ADAMTS20: variants seen among roughly 807,000 people sequenced by gnomAD.
The protein encoded by ADAMTS20 is ADAM metallopeptidase with thrombospondin type 1 motif 20, also known as A disintegrin and metalloproteinase with thrombospondin motifs 20.
A neutral mutation model predicts 260.1 loss-of-function variants in ADAMTS20; 225 were observed. The observed-to-expected ratio is 0.87, with a 90% CI of 0.78 to 0.97. The LOEUF (loss-of-function observed/expected upper bound fraction) is 0.97, where lower values mean the gene tolerates loss of function less well. ADAMTS20 is among the 50% of genes least tolerant of loss of function. The pLI is 0.00. For synonymous variants in ADAMTS20, 802 were observed against 769.5 expected (o/e 1.04, Z -0.70); for missense variants, 2,400 against 2,337.7 (o/e 1.03, Z -0.55).
At chr12:43,454,243 A>G (rs1941924595) in intron 11 of ADAMTS20, among the ~76,000 whole-genome samples, 191 bp from the exon 12 acceptor site, 1 of 152,226 alleles carries the variant, frequency 6.6e-6, no homozygotes, top group Non-Finnish European at 1.5e-5. Context: ...GGAATAGAAA[A>G]GGAGTGTAAT....
chr12:43,402,936 G>T (rs187450860), intron 28 of ADAMTS20, among the ~76,000 whole-genome samples: 5 of 152,058 alleles, frequency 3.3e-5, no homozygotes, highest in Admixed American at 2.6e-4. Flanking sequence ...TTCAGAAGTA[G>T]TGATACTAAA....
intron 14 of ADAMTS20, among the ~76,000 whole-genome samples, 185 bp downstream of exon 14, chr12:43,452,089 A>G (rs535449189): frequency 6.6e-6 from 1 of 152,162 alleles, no homozygotes; most frequent in Admixed American, 6.6e-5. Context: ...ATTCTTGATG[A>G]CAGAGAATTC....
intron 37 of ADAMTS20, among the ~76,000 whole-genome samples, chr12:43,363,130 A>T (rs1939909904): frequency 6.6e-6 from 1 of 151,818 alleles, no homozygotes; most frequent in Non-Finnish European, 1.5e-5. Context: ...ACCTCCCATG[A>T]CTCGCCCTCT....
At chr12:43,536,840 T>C (rs987444860) in intron 2 of ADAMTS20, among the ~76,000 whole-genome samples, 3 of 152,086 alleles carry the variant, frequency 2.0e-5, no homozygotes, top group Non-Finnish European at 2.9e-5. Flanking sequence ...CACACAAATA[T>C]ATTTACCTAC....
At chr12:43,501,971 C>G (rs1169050497) in intron 4 of ADAMTS20, among the ~76,000 whole-genome samples, 181 bp downstream of exon 4, 1 of 152,044 alleles carries the variant, frequency 6.6e-6, no homozygotes, top group Non-Finnish European at 1.5e-5. Flanking sequence ...GTCCAAGTAA[C>G]AGAATAGGAT....
intron 22 of ADAMTS20, among the ~76,000 whole-genome samples, chr12:43,430,841 G>T (rs1004359332): frequency 4.6e-4 from 70 of 152,128 alleles, no homozygotes; most frequent in Non-Finnish European, 6.6e-4. Flanking sequence ...ATTTTAAAGA[G>T]ACAAAGAAGG....
chr12:43,431,002 G>A (rs565953010), intron 22 of ADAMTS20, among the ~76,000 whole-genome samples: 4 of 152,264 alleles, frequency 2.6e-5, no homozygotes, highest in Non-Finnish European at 4.4e-5. Context: ...ACGTCTAAAC[G>A]ATGCCTATCC....
At chr12:43,543,356 A>T (rs1943401841) in intron 2 of ADAMTS20, among the ~76,000 whole-genome samples, 1 of 152,152 alleles carries the variant, frequency 6.6e-6, no homozygotes, top group Admixed American at 6.5e-5. Context: ...CCCTCCTTCC[A>T]CAGTAGTGAG....
At chr12:43,549,261 T>C (rs551018333) in intron 2 of ADAMTS20, among the ~76,000 whole-genome samples, 2 of 151,848 alleles carry the variant, frequency 1.3e-5, no homozygotes, top group East Asian at 3.9e-4. Flanking sequence ...ATATTAATAT[T>C]AATTTTTAGA....
intron 7 of ADAMTS20, among the ~76,000 whole-genome samples, 188 bp from the exon 8 acceptor site, chr12:43,468,893 A>C (rs1484091760): frequency 6.6e-6 from 1 of 152,210 alleles, no homozygotes; most frequent in Non-Finnish European, 1.5e-5. Context: ...AGTTGAAATC[A>C]TCTTTGCAAA....
At chr12:43,530,689 T>G (rs971916793) in intron 3 of ADAMTS20, among the ~76,000 whole-genome samples, 2 of 152,124 alleles carry the variant, frequency 1.3e-5, no homozygotes, top group East Asian at 3.9e-4. Flanking sequence ...AGGTGCCTTT[T>G]CTCCATCATA....
chr12:43,545,564 C>T (rs1267848283), intron 2 of ADAMTS20, among the ~76,000 whole-genome samples: 1 of 152,166 alleles, frequency 6.6e-6, no homozygotes, highest in Non-Finnish European at 1.5e-5. Flanking sequence ...AGCAAGGGCA[C>T]TTTGAAATCC....
chr12:43,543,717 T>A (rs1189239799), intron 2 of ADAMTS20, among the ~76,000 whole-genome samples: 1 of 152,180 alleles, frequency 6.6e-6, no homozygotes, highest in Non-Finnish European at 1.5e-5. Context: ...TAAAGACTAT[T>A]GGTGATCACC....
At chr12:43,537,653 C>T (rs1274061244) in intron 2 of ADAMTS20, among the ~76,000 whole-genome samples, 2 of 152,084 alleles carry the variant, frequency 1.3e-5, no homozygotes, top group African/African-American at 2.4e-5. Flanking sequence ...CCCCACCTCT[C>T]CCCACCCCAC....
intron 6 of ADAMTS20, among the ~76,000 whole-genome samples, chr12:43,491,501 C>T (rs890160862): frequency 6.6e-6 from 1 of 152,030 alleles, no homozygotes; most frequent in South Asian, 2.1e-4. Context: ...GAGTTTGATG[C>T]CTAAATAAAG....
intron 21 of ADAMTS20, 21 bp from the exon 22 acceptor site, chr12:43,431,517 ATTAT>A (rs1941443670): frequency 4.3e-6 from 7 of 1,613,198 alleles, no homozygotes; most frequent in Non-Finnish European, 5.9e-6. Context: ...AAAACTGATC[ATTAT>A]TTATTTGCAG....
At chr12:43,438,765 A>G (rs538875963) in intron 18 of ADAMTS20, among the ~76,000 whole-genome samples, 1 of 152,090 alleles carries the variant, frequency 6.6e-6, no homozygotes, top group African/African-American at 2.4e-5. Context: ...TTCCCAAGCT[A>G]TTTCTCTATT....
At chr12:43,415,105 C>A (rs1156709802) in intron 28 of ADAMTS20, among the ~76,000 whole-genome samples, 1 of 152,152 alleles carries the variant, frequency 6.6e-6, no homozygotes, top group African/African-American at 2.4e-5. Context: ...AGTATCCTAA[C>A]TGTCACAAAT....
intron 35 of ADAMTS20, among the ~76,000 whole-genome samples, chr12:43,375,813 C>T (rs1313024583): frequency 6.6e-6 from 1 of 152,222 alleles, no homozygotes; most frequent in Non-Finnish European, 1.5e-5. Context: ...TGTCCGACTT[C>T]TCACCCACAG....
Sources: gnomAD v4.1 joint callset for allele counts (sites outside exome capture counted in the v4.1 genomes callset) on GRCh38, gnomAD v4.1.1 for gene constraint, MANE v1.5 for transcripts, NCBI Gene and HGNC (gene_info 2026-07-23, HGNC 2026-07-21) for gene names.